APOH: variants seen among roughly 807,000 people sequenced by gnomAD.
APOH encodes the protein apolipoprotein H.
In APOH, 48 loss-of-function variants were observed where a neutral mutation model predicts 39.8. The observed-to-expected ratio is 1.21, with a 90% CI of 0.96 to 1.54. APOH has a LOEUF of 1.54. Among genes scored for constraint, APOH ranks in the 40% most tolerant of loss-of-function variants. The pLI is 0.00. For missense variants in APOH, 415 were observed against 421.2 expected, an observed-to-expected ratio of 0.99 and a Z score of 0.13; for synonymous variants, 153 against 151.1, an observed-to-expected ratio of 1.01 and a Z score of -0.09.
In APOH at chr17:66,229,305, A is replaced by T; in HGVS notation, c.64+11T>A. 2 of 1,611,682 alleles carry T rather than the reference A, an allele frequency of 1.2e-6. No homozygotes were observed. The highest frequency in any genetic ancestry group is 1.7e-6 in the Non-Finnish European group (2 of 1,178,440). On this transcript the variant is annotated intron_variant, in intron 1 of 7. Coordinates refer to ENST00000205948, the MANE Select transcript of APOH (RefSeq NM_000042.3). The stretch of plus-strand genomic sequence containing the variant: ...ATATTAATTATTTTTTCAAAAGCAA[A>T]AAGTACTTACTCCGTCCTGCAATAG...
intron 5 of APOH, among the ~76,000 whole-genome samples, chr17:66,219,854 A>C (rs1215618979): frequency 6.6e-6 from 1 of 152,062 alleles, no homozygotes; most frequent in Non-Finnish European, 1.5e-5. Context: ...AGGTGGCAGT[A>C]AGCCAAAATC....
At chr17:66,221,248 AAAG>A (rs1390678383) in intron 4 of APOH, among the ~76,000 whole-genome samples, 1 of 139,354 alleles carries the variant, frequency 7.2e-6, no homozygotes, top group Non-Finnish European at 1.6e-5. Context: ...AGACAGAAAG[AAAG>A]AGAGAGAGAG....
At chr17:66,223,974 G>C (rs3815410) in intron 3 of APOH, among the ~76,000 whole-genome samples, 200 bp from the exon 4 acceptor site, 27,524 of 152,040 alleles carry the variant, frequency 0.18, 2,956 homozygotes, top group Non-Finnish European at 0.26. Flanking sequence ...TCACTGCAGG[G>C]TTCCACAGCT....
chr17:66,225,945 A>G, intron 3 of APOH, 83 bp downstream of exon 3: 1 of 938,598 alleles, frequency 1.1e-6, no homozygotes, highest in Admixed American at 2.5e-5. Flanking sequence ...TGAAAACAAA[A>G]TATAGACCAG....
At position 66,214,722 on chromosome 17, in the gene APOH, G is replaced by T. The variant is rs1375681703; in HGVS notation, c.785-72C>A. The T allele has an allele frequency of 2.1e-5, 28 of 1,336,184 alleles. No homozygotes were observed. In the South Asian group the frequency reaches 3.4e-4, roughly 16 times the overall value. 82.8% of individuals were successfully genotyped at this position (1,336,184 alleles called of 1,614,324 possible). On this transcript the variant is annotated intron_variant, in intron 6 of 7. Coordinates refer to ENST00000205948, the MANE Select transcript of APOH (RefSeq NM_000042.3). ...CTTTCTGAAAGAGAGTATAGCATTTGAAACAGTAGATGAGTACACCTACAC... is the reference window on the plus strand; with the variant it reads ...CTTTCTGAAAGAGAGTATAGCATTTTAAACAGTAGATGAGTACACCTACAC...
chr17:66,229,039 C>T (rs553764324), intron 1 of APOH, among the ~76,000 whole-genome samples: 1 of 151,782 alleles, frequency 6.6e-6, no homozygotes, highest in South Asian at 2.1e-4. Flanking sequence ...CACTATGTTG[C>T]CCAGGCTGGG....
At chr17:66,215,334 G>T (rs1442549213) in intron 6 of APOH, among the ~76,000 whole-genome samples, 1 of 152,162 alleles carries the variant, frequency 6.6e-6, no homozygotes, top group Non-Finnish European at 1.5e-5. Flanking sequence ...TGGCATAAAT[G>T]CAAATTGTCA....
At chr17:66,227,242 G>C (rs1031418922) in intron 2 of APOH, among the ~76,000 whole-genome samples, 1 of 152,098 alleles carries the variant, frequency 6.6e-6, no homozygotes, top group African/African-American at 2.4e-5. Flanking sequence ...TAAAAATTAT[G>C]TTTAGGCTCT....
chr17:66,224,265 C>G (rs961905394), intron 3 of APOH, among the ~76,000 whole-genome samples: 3 of 151,280 alleles, frequency 2.0e-5, no homozygotes, highest in African/African-American at 7.3e-5. Flanking sequence ...CACTTGAGCC[C>G]AAGAGTTTGA....
intron 3 of APOH, among the ~76,000 whole-genome samples, 184 bp from the exon 4 acceptor site, chr17:66,223,958 G>C (rs1053697761): frequency 6.6e-6 from 1 of 152,174 alleles, no homozygotes; most frequent in Admixed American, 6.5e-5. Context: ...CAATGATGCA[G>C]GTGAATCACT....
Position 66,228,048 on chromosome 17 carries a change from C to T in APOH, c.213G>A (p.Leu71=). The T allele has an allele frequency of 1.2e-6, 2 of 1,614,076 alleles. No homozygotes were observed. Among genetic ancestry groups the T allele is most frequent in the Non-Finnish European group, 1.7e-6 (2 of 1,179,998 alleles). Residue 71 remains leucine (L), a synonymous_variant, in exon 2 of 8, where the codon CTG becomes CTA. Coordinates refer to ENST00000205948, the MANE Select transcript of APOH (RefSeq NM_000042.3). ...MRKFICPLTG[L]WPINTLKCTP... Reference sequence around the variant, plus strand: ...TACATTTCAGAGTGTTGATGGGCCACAGTCCTGTGAGAGGGCAGATAAACT... The same window carrying T: ...TACATTTCAGAGTGTTGATGGGCCATAGTCCTGTGAGAGGGCAGATAAACT...
Position 66,226,020 on chromosome 17 carries a change from G to A in APOH, c.338+8C>T. 1 of 1,602,094 alleles carries A rather than the reference G, an allele frequency of 6.2e-7. No homozygotes were observed. Among genetic ancestry groups the A allele is most frequent in the Non-Finnish European group, 8.5e-7 (1 of 1,170,316 alleles). On this transcript the variant is annotated splice_region_variant and intron_variant, in intron 3 of 7. Transcript: ENST00000205948. Reference sequence around the variant, plus strand: ...CTGTTAACTGCTTAGTTCCATGAAAGTTCTTACCCAGTGTTACAAGAAAAA... The same window carrying A: ...CTGTTAACTGCTTAGTTCCATGAAAATTCTTACCCAGTGTTACAAGAAAAA...
rs8178948 is a variant in APOH at position 66,212,405 on chromosome 17, G to A, written c.983-217C>T. ...TTCTTTTTCTTTTTCCTTTTTTTAA[G>A]ACAGAGTCTCGCCCTGTTGCCCAGG... On this transcript the variant is annotated intron_variant, in intron 7 of 7. Transcript: ENST00000205948. Among the ~76,000 whole-genome samples, 1,372 of 151,992 alleles carry A rather than the reference G, an allele frequency of 9.0e-3. 23 individuals are homozygous for A. Among genetic ancestry groups the A allele is most frequent in the African/African-American group, 0.031 (1,304 of 41,442 alleles).
intron 3 of APOH, among the ~76,000 whole-genome samples, chr17:66,225,652 C>T (rs978097904): frequency 2.0e-5 from 3 of 152,088 alleles, no homozygotes; most frequent in Non-Finnish European, 4.4e-5. Context: ...TTCTCCAATC[C>T]TTACCCCACC....
At chr17:66,217,937 C>G (rs1396089721) in intron 5 of APOH, among the ~76,000 whole-genome samples, 1 of 150,012 alleles carries the variant, frequency 6.7e-6, no homozygotes, top group African/African-American at 2.5e-5. Context: ...AGTGAGACTC[C>G]AACTCAAAAA....
intron 3 of APOH, among the ~76,000 whole-genome samples, chr17:66,224,933 G>C (rs146624828): frequency 6.6e-6 from 1 of 152,034 alleles, no homozygotes; most frequent in Non-Finnish European, 1.5e-5. Flanking sequence ...TGGGTGTGGT[G>C]GTAGGCGCCT....
rs754759866 is a variant in APOH, at chr17:66,226,084, G to A, written c.282C>T (p.Ala94=). Residue 94 remains alanine, a synonymous_variant, in exon 3 of 8, where the codon GCC becomes GCT. Coordinates refer to ENST00000205948, the MANE Select transcript of APOH (RefSeq NM_000042.3). ...CPFAGILENG[A]VRYTTFEYPN... Reference sequence around the variant, plus strand: ...GATATTCAAAAGTCGTATAGCGTACGGCTCCATTTTCTAAGATTCCAGCAA... The same window carrying A: ...GATATTCAAAAGTCGTATAGCGTACAGCTCCATTTTCTAAGATTCCAGCAA... 3.7e-6 allele frequency: 6 copies of A among 1,613,364 alleles called. No homozygotes were observed. In the African/African-American group the frequency reaches 4.0e-5, roughly 11 times the overall value.
At chr17:66,214,393 G>C in intron 7 of APOH, 60 bp downstream of exon 7, 1 of 1,471,280 alleles carries the variant, frequency 6.8e-7, no homozygotes, top group South Asian at 1.1e-5. Flanking sequence ...TAGAACAAAG[G>C]CTCTGATTAT....
chr17:66,224,290 GCAAAGGCC>G (rs1229662256), intron 3 of APOH, among the ~76,000 whole-genome samples: 1 of 151,536 alleles, frequency 6.6e-6, no homozygotes, highest in East Asian at 2.0e-4. Flanking sequence ...GGGCAATGTG[GCAAAGGCC>G]CAATTTCTAC....
Sources: gnomAD v4.1 joint callset for allele counts (sites outside exome capture counted in the v4.1 genomes callset) on GRCh38, gnomAD v4.1.1 for gene constraint, MANE v1.5 for transcripts, NCBI Gene and HGNC (gene_info 2026-07-23, HGNC 2026-07-21) for gene names.